The following CREB1 variants were observed in gnomAD, a reference collection of about 807,000 sequenced individuals.
The protein encoded by CREB1 is cyclic AMP-responsive element-binding protein 1.
CREB1 carries 2 observed loss-of-function variants against 42.0 expected under a neutral mutation model. The ratio of observed to expected loss-of-function variants is 0.05; its 90% CI spans 0.02 to 0.15. The LOEUF (loss-of-function observed/expected upper bound fraction) is 0.15. CREB1 is among the 10% of genes least tolerant of loss of function. CREB1 has a pLI of 1.00. For synonymous variants in CREB1, 123 were observed against 139.9 expected (o/e 0.88, Z 0.85); for missense variants, 199 against 388.9 (o/e 0.51, Z 4.11).
intron 1 of CREB1, among the ~76,000 whole-genome samples, chr2:207,532,896 C>G (rs2080709890): frequency 6.6e-6 from 1 of 151,956 alleles, no homozygotes; most frequent in African/African-American, 2.4e-5. Context: ...GCTGGGATTA[C>G]AGGTGTGAGC....
At position 207,545,777 on chromosome 2, in the gene CREB1, A is replaced by G. The variant is rs964005189; in HGVS notation, c.-8-9851A>G. Among the ~76,000 whole-genome samples, 7 of 147,106 alleles carry G rather than the reference A, an allele frequency of 4.8e-5. 1 individual carries two copies. Among genetic ancestry groups the G allele is most frequent in the African/African-American group, 1.5e-4 (6 of 39,362 alleles). ...AGATGGAGTTTCGCTCTTTCTGCCC[A>G]GGCTAGAGTGCAATGGCGCAATCTC... is the stretch of plus-strand genomic sequence containing the variant. On this transcript the variant is annotated intron_variant, in intron 1 of 7. Coordinates refer to ENST00000353267, the MANE Select transcript of CREB1 (RefSeq NM_004379.5).
At chr2:207,582,817 TG>T in intron 7 of CREB1, 2 of 327,152 alleles carry the variant, frequency 6.1e-6, no homozygotes, top group Non-Finnish European at 6.2e-6. Context: ...TGTGCGAACC[TG>T]GGAGGTGGAA....
At chr2:207,570,710 C>T (rs567764014) in intron 5 of CREB1, among the ~76,000 whole-genome samples, 1 of 152,030 alleles carries the variant, frequency 6.6e-6, no homozygotes, top group Non-Finnish European at 1.5e-5. Flanking sequence ...AATAGTTTGT[C>T]TTGCCTTCTG....
At chr2:207,550,988 A>G (rs1273308537) in intron 1 of CREB1, among the ~76,000 whole-genome samples, 2 of 152,154 alleles carry the variant, frequency 1.3e-5, no homozygotes, top group Admixed American at 6.5e-5. Context: ...AGTGGCTATT[A>G]TCGTTTACCT....
rs184610034 is a variant in CREB1 at position 207,598,546 on chromosome 2, G to A, written c.*1488G>A. The A allele has an allele frequency of 5.6e-6, 1 of 177,496 alleles. No individual in the cohort carries two copies. The highest frequency in any genetic ancestry group is 9.4e-5 in the East Asian group (1 of 10,638). The allele number at this position is 177,496 out of a possible 1,614,324, so 11.0% of individuals were successfully genotyped here. ...AAATTGGAAACTGACATAATGTTAG[G>A]TTATAATTTCTCATTTGGAGCCGGG... is the stretch of plus-strand genomic sequence containing the variant. On this transcript the variant is annotated 3_prime_UTR_variant, in exon 8 of 8. Transcript: ENST00000353267.
At chr2:207,533,099 T>C (rs946774377) in intron 1 of CREB1, among the ~76,000 whole-genome samples, 3 of 152,074 alleles carry the variant, frequency 2.0e-5, no homozygotes, top group East Asian at 1.9e-4. Context: ...TTTTTTTTTT[T>C]CATGAACACC....
intron 1 of CREB1, among the ~76,000 whole-genome samples, chr2:207,550,985 A>G (rs2081481390): frequency 1.3e-5 from 2 of 152,134 alleles, no homozygotes; most frequent in African/African-American, 2.4e-5. Context: ...CTGAGTGGCT[A>G]TTATCGTTTA....
At chr2:207,585,813 G>A (rs950099999) in intron 7 of CREB1, among the ~76,000 whole-genome samples, 1 of 152,062 alleles carries the variant, frequency 6.6e-6, no homozygotes, top group Admixed American at 6.5e-5. Flanking sequence ...TAAGAGAGAG[G>A]TCTTTTAAAA....
intron 7 of CREB1, chr2:207,580,845 C>T (rs1219866944): frequency 4.5e-6 from 1 of 220,480 alleles, no homozygotes. Context: ...GGTCTAGGAT[C>T]CTGGGCTAGA....
intron 1 of CREB1, among the ~76,000 whole-genome samples, chr2:207,534,984 GCTT>G (rs371031346): frequency 3.9e-5 from 6 of 152,108 alleles, no homozygotes; most frequent in African/African-American, 1.4e-4. Context: ...CACATAAAGA[GCTT>G]CTTCATTTTT....
chr2:207,599,626 T>C lies in CREB1; in HGVS notation c.*2568T>C, dbSNP rs935856482. ...AATGTATCCTGTTGCTAAATCTGTCTTAGACCCTTGGTGAAACTTGAAGAT... is the reference window on the plus strand; with the variant it reads ...AATGTATCCTGTTGCTAAATCTGTCCTAGACCCTTGGTGAAACTTGAAGAT... On this transcript the variant is annotated 3_prime_UTR_variant, in exon 8 of 8. Transcript: ENST00000353267. 2.5e-5 allele frequency: 5 copies of C among 200,746 alleles called. No homozygotes were observed. Among genetic ancestry groups the C allele is most frequent in the African/African-American group, 1.1e-4 (5 of 43,562 alleles). The allele number at this position is 200,746 out of a possible 1,614,324, so 12.4% of individuals were successfully genotyped here.
intron 1 of CREB1, chr2:207,550,705 C>T (rs1193701720): frequency 6.6e-6 from 1 of 152,086 alleles, no homozygotes; most frequent in African/African-American, 2.4e-5. Flanking sequence ...TGTTAACTTG[C>T]TATAGGTAGT....
At chr2:207,535,510 A>G (rs1383279801) in intron 1 of CREB1, among the ~76,000 whole-genome samples, 1 of 151,768 alleles carries the variant, frequency 6.6e-6, no homozygotes, top group Non-Finnish European at 1.5e-5. Context: ...GCATTCATTT[A>G]TTTTTTACAT....
chr2:207,584,050 C>T (rs1461865855), intron 7 of CREB1, among the ~76,000 whole-genome samples: 2 of 152,168 alleles, frequency 1.3e-5, no homozygotes, highest in African/African-American at 2.4e-5. Flanking sequence ...TATAGATATA[C>T]TGTGCTTTGT....
At chr2:207,582,606 A>G (rs772627585) in intron 7 of CREB1, among the ~76,000 whole-genome samples, 16 of 152,208 alleles carry the variant, frequency 1.1e-4, no homozygotes, top group South Asian at 8.3e-4. Context: ...TTCTGAGACT[A>G]CAAGATTGTC....
intron 3 of CREB1, among the ~76,000 whole-genome samples, chr2:207,565,150 C>G (rs1396769379): frequency 1.8e-4 from 28 of 151,942 alleles, no homozygotes; most frequent in Admixed American, 1.8e-3. Flanking sequence ...CTGTTCTTAA[C>G]ATCCTCCCCC....
At chr2:207,571,125 C>G (rs1180377458) in intron 5 of CREB1, among the ~76,000 whole-genome samples, 1 of 150,418 alleles carries the variant, frequency 6.6e-6, no homozygotes, top group South Asian at 2.1e-4. Context: ...CTTTTCCCCA[C>G]CCACCTTAGT....
At chr2:207,562,303 T>C (rs1246185689) in intron 3 of CREB1, among the ~76,000 whole-genome samples, 2 of 152,200 alleles carry the variant, frequency 1.3e-5, no homozygotes, top group African/African-American at 4.8e-5. Flanking sequence ...TTATAGAAGA[T>C]CTTTCTATAA....
rs181195164 is a variant in CREB1, at chr2:207,605,660, G to A, written c.*8602G>A. Reference sequence around the variant, plus strand: ...CCCTCTCCCTTTTTTTACACAAAAGGTAGGTACAAACAGTGGTTTATAAAC... The same window carrying A: ...CCCTCTCCCTTTTTTTACACAAAAGATAGGTACAAACAGTGGTTTATAAAC... On this transcript the variant is annotated 3_prime_UTR_variant, in exon 8 of 8. Transcript: ENST00000353267. 1.3e-5 allele frequency among the ~76,000 whole-genome samples: 2 copies of A among 152,134 alleles called. No individual in the cohort carries two copies. The highest frequency in any genetic ancestry group is 6.5e-5 in the Admixed American group (1 of 15,288).
Sources: allele counts gnomAD v4.1 joint callset (sites outside exome capture counted in the v4.1 genomes callset), GRCh38; gene constraint gnomAD v4.1.1; transcripts MANE v1.5; gene names NCBI Gene and HGNC (gene_info 2026-07-23, HGNC 2026-07-21).